Variants in ZDHHC15 observed in about 807,000 individuals in gnomAD.
The protein encoded by ZDHHC15 is zDHHC palmitoyltransferase 15.
ZDHHC15 carries 19 observed loss-of-function variants against 31.7 expected under a neutral mutation model. That is an observed-to-expected ratio of 0.60 (90% CI 0.42 to 0.88). The LOEUF is 0.88. Among genes scored for constraint, ZDHHC15 ranks in the 40% least tolerant of loss-of-function variants. The probability of loss-of-function intolerance (pLI) is 0.00; values close to 1 mark genes in which losing one functional copy is unlikely to be tolerated. For missense variants in ZDHHC15, 209 were observed against 251.2 expected (o/e 0.83, Z 1.14); for synonymous variants, 103 against 90.0 (o/e 1.14, Z -0.82).
intron 4 of ZDHHC15, among the ~76,000 whole-genome samples, chrX:75,441,749 G>A (rs1203762366): frequency 9.3e-6 from 1 of 107,552 alleles, no homozygotes; most frequent in African/African-American, 3.4e-5. Context: ...TTAGCCCCCC[G>A]AGTAGCTGGG....
At chrX:75,502,926 G>C (rs1413379602) in intron 2 of ZDHHC15, among the ~76,000 whole-genome samples, 1 of 110,763 alleles carries the variant, frequency 9.0e-6, no homozygotes, top group Non-Finnish European at 1.9e-5. Flanking sequence ...TCTAGTATTT[G>C]ATGGCACAAC....
chrX:75,440,779 A>G (rs188652998), intron 4 of ZDHHC15, among the ~76,000 whole-genome samples: 2 of 112,116 alleles, frequency 1.8e-5, no homozygotes, highest in African/African-American at 6.5e-5. Context: ...CTACCAGGGC[A>G]TGTAGAGAAA....
intron 4 of ZDHHC15, among the ~76,000 whole-genome samples, chrX:75,441,621 CT>C (rs745335984): frequency 0.073 from 6,745 of 92,209 alleles, 273 homozygotes; most frequent in Non-Finnish European, 0.11. Flanking sequence ...TGTGGTAGTT[CT>C]TTTTTTTTTT....
Position 75,450,810 on chromosome X carries a change from C to A in ZDHHC15, c.371G>T (p.Gly124Val). ...AKKLPVYTRT[G>V]SGAVRFCDRC... is the part of the protein sequence containing the mutation. ...CCTTTGGATGAACTGACCTCCACTT[C>A]CAGTTCTTGTGTAAACCGGTAGCTT... The change falls in exon 4 of 12, where the codon GGA becomes GTA. Residue 124 changes from glycine (G) to valine (V), a missense_variant. Transcript: ENST00000373367. The A allele has an allele frequency of 2.5e-6, 3 of 1,210,938 alleles. No homozygotes were observed. The highest frequency in any genetic ancestry group is 3.4e-6 in the Non-Finnish European group (3 of 894,934).
intron 1 of ZDHHC15, among the ~76,000 whole-genome samples, chrX:75,507,060 T>G (rs1602752121): frequency 9.0e-6 from 1 of 111,431 alleles, no homozygotes; most frequent in South Asian, 3.7e-4. Flanking sequence ...AACAGCTATC[T>G]GTAAATAACT....
chrX:75,499,884 C>A (rs1450218379), intron 2 of ZDHHC15, among the ~76,000 whole-genome samples: 12 of 111,597 alleles, frequency 1.1e-4, no homozygotes, highest in African/African-American at 3.6e-4. Context: ...ATGAAACCAG[C>A]CCAAATGCTC....
At chrX:75,490,722 G>C (rs1019722057) in intron 2 of ZDHHC15, among the ~76,000 whole-genome samples, 14 of 111,317 alleles carry the variant, frequency 1.3e-4, no homozygotes, top group Non-Finnish European at 1.9e-4. Context: ...TTGTAAGTTG[G>C]ATTCCTAGGT....
chrX:75,501,250 C>T (rs1159276372), intron 2 of ZDHHC15, among the ~76,000 whole-genome samples: 2 of 110,962 alleles, frequency 1.8e-5, no homozygotes, highest in East Asian at 2.8e-4. Context: ...TAATAGCCTC[C>T]AGCCCCATCC....
intron 10 of ZDHHC15, among the ~76,000 whole-genome samples, chrX:75,404,215 C>A (rs185580757): frequency 8.9e-6 from 1 of 111,917 alleles, no homozygotes; most frequent in Admixed American, 9.5e-5. Flanking sequence ...ACACCATATA[C>A]AAAAATCAAT....
At chrX:75,384,275 T>G in intron 10 of ZDHHC15, 3 of 544,804 alleles carry the variant, frequency 5.5e-6, no homozygotes, top group Non-Finnish European at 9.7e-6. Flanking sequence ...CCAAGGTATC[T>G]TGAATTCCTA....
intron 3 of ZDHHC15, among the ~76,000 whole-genome samples, chrX:75,467,061 A>G (rs1462441750): frequency 8.9e-6 from 1 of 112,503 alleles, no homozygotes; most frequent in Non-Finnish European, 1.9e-5. Context: ...AGTTTAAGAC[A>G]AAGAAAAAAA....
chrX:75,407,539 G>A (rs1034273427), intron 10 of ZDHHC15, among the ~76,000 whole-genome samples: 3 of 109,544 alleles, frequency 2.7e-5, no homozygotes, highest in Admixed American at 9.4e-5. Context: ...CGCCCCGTCC[G>A]GGAGGGAGGT....
chrX:75,449,247 C>T (rs1334675081), intron 4 of ZDHHC15, among the ~76,000 whole-genome samples: 2 of 72,641 alleles, frequency 2.8e-5, no homozygotes, highest in Non-Finnish European at 3.1e-5. Flanking sequence ...CACACACACA[C>T]ACACACAATT....
chrX:75,461,090 A>C (rs1489915900), intron 3 of ZDHHC15, among the ~76,000 whole-genome samples: 3 of 112,027 alleles, frequency 2.7e-5, no homozygotes, highest in Non-Finnish European at 5.6e-5. Context: ...TTAGGGAGGA[A>C]TATAACCGAC....
intron 4 of ZDHHC15, among the ~76,000 whole-genome samples, chrX:75,442,305 T>C (rs953179287): frequency 3.6e-5 from 4 of 111,318 alleles, no homozygotes; most frequent in Non-Finnish European, 7.5e-5. Flanking sequence ...CTGGCCAGGG[T>C]AATCAGGCAG....
At chrX:75,476,643 CT>C (rs1418896650) in intron 3 of ZDHHC15, among the ~76,000 whole-genome samples, 1 of 104,737 alleles carries the variant, frequency 9.5e-6, no homozygotes, top group Non-Finnish European at 2.0e-5. Context: ...CCTTTCTTCC[CT>C]CCCTCCCTTC....
At chrX:75,484,396 A>T (rs1214923881) in intron 2 of ZDHHC15, among the ~76,000 whole-genome samples, 1 of 112,351 alleles carries the variant, frequency 8.9e-6, no homozygotes, top group African/African-American at 3.2e-5. Flanking sequence ...AAGGAAAAAG[A>T]CTAAACAGAC....
At position 75,465,784 on chromosome X, in the gene ZDHHC15, T is replaced by A. The variant is rs185472605; in HGVS notation, c.258+13107A>T. ...AACTGGCCCCCTTCCTTACACCTTA[T>A]ATAAAAGTTAACTCAAGATGGATTA... On this transcript the variant is annotated intron_variant, in intron 3 of 11. Coordinates refer to ENST00000373367, the MANE Select transcript of ZDHHC15 (RefSeq NM_144969.3). Among the ~76,000 whole-genome samples the A allele has an allele frequency of 2.5e-3, 278 of 111,605 alleles. 3 individuals carry two copies. The highest frequency in any genetic ancestry group is 8.6e-3 in the African/African-American group (264 of 30,781).
At chrX:75,441,614 G>A (rs1355591910) in intron 4 of ZDHHC15, among the ~76,000 whole-genome samples, 3 of 104,432 alleles carry the variant, frequency 2.9e-5, no homozygotes, top group Non-Finnish European at 5.9e-5. Flanking sequence ...ATGTTCCTGT[G>A]GTAGTTCTTT....
Sources: gnomAD v4.1 joint callset for allele counts (sites outside exome capture counted in the v4.1 genomes callset) on GRCh38, gnomAD v4.1.1 for gene constraint, MANE v1.5 for transcripts, NCBI Gene and HGNC (gene_info 2026-07-23, HGNC 2026-07-21) for gene names.